Variants in TAS2R1 observed in about 807,000 individuals in gnomAD.
TAS2R1 encodes the protein taste 2 receptor member 1.
For synonymous variants in TAS2R1, 141 were observed against 134.2 expected (o/e 1.05, Z -0.35); for missense variants, 370 against 353.4 (o/e 1.05, Z -0.38).
chr5:9,850,650 T>A, the TAS2R1 span, among the ~76,000 whole-genome samples: 1 of 152,182 alleles, frequency 6.6e-6, no homozygotes. Flanking sequence ...CTCTTCCACA[T>A]TGGCAAATGG....
At chr5:9,696,943 G>C (rs1441491935) in intron 1 of TAS2R1, among the ~76,000 whole-genome samples, 1 of 152,146 alleles carries the variant, frequency 6.6e-6, no homozygotes, top group Non-Finnish European at 1.5e-5. Context: ...AACCTGGGAG[G>C]TGGAGGTTGC....
intron 1 of TAS2R1, among the ~76,000 whole-genome samples, chr5:9,682,366 T>C (rs547224365): frequency 4.6e-5 from 7 of 152,182 alleles, no homozygotes; most frequent in African/African-American, 1.7e-4. Flanking sequence ...CCTTTGGGGG[T>C]GGGGATCTGC....
At chr5:9,833,242 AG>A in the TAS2R1 span, among the ~76,000 whole-genome samples, 2 of 152,170 alleles carry the variant, frequency 1.3e-5, no homozygotes. Flanking sequence ...ATTTTCTTGT[AG>A]GCAAATTGTG....
chr5:9,831,565 T>TG, the TAS2R1 span, among the ~76,000 whole-genome samples: 3 of 152,084 alleles, frequency 2.0e-5, no homozygotes, highest in Admixed American at 2.0e-4. Flanking sequence ...ATTACGTTTT[T>TG]GTTTCTCTGT....
At chr5:9,808,712 G>GA in the TAS2R1 span, among the ~76,000 whole-genome samples, 23 of 152,066 alleles carry the variant, frequency 1.5e-4, no homozygotes, top group Non-Finnish European at 3.4e-4. Flanking sequence ...TTCCTCAGAG[G>GA]AAAAAATAGG....
the TAS2R1 span, among the ~76,000 whole-genome samples, chr5:9,736,600 T>G: frequency 6.6e-6 from 1 of 152,222 alleles, no homozygotes; most frequent in Non-Finnish European, 1.5e-5. Context: ...GTATCTCTGT[T>G]GTGCCTTGCA....
the TAS2R1 span, among the ~76,000 whole-genome samples, chr5:9,783,894 G>T: frequency 1.3e-5 from 2 of 152,178 alleles, no homozygotes; most frequent in Non-Finnish European, 2.9e-5. Context: ...CAGAGGTCTT[G>T]AAGGTCCTGG....
At chr5:9,788,707 T>C in the TAS2R1 span, among the ~76,000 whole-genome samples, 1 of 152,190 alleles carries the variant, frequency 6.6e-6, no homozygotes, top group African/African-American at 2.4e-5. Context: ...TTGTAGAGCA[T>C]GTGGGTTGAT....
chr5:9,834,402 GTTCACAATTGTGATTTTAA>G, the TAS2R1 span, among the ~76,000 whole-genome samples: 1 of 152,290 alleles, frequency 6.6e-6, no homozygotes, highest in East Asian at 1.9e-4. Context: ...CTCAATAAAT[GTTCACAATTGTGATTTTAA>G]TCTTTTGTGT....
chr5:9,741,596 T>G, the TAS2R1 span, among the ~76,000 whole-genome samples: 2 of 152,202 alleles, frequency 1.3e-5, no homozygotes, highest in Non-Finnish European at 2.9e-5. Flanking sequence ...ATCTCGTGTA[T>G]GTTGGAAAAC....
chr5:9,861,037 G>GTTTTTTGTTTT, the TAS2R1 span, among the ~76,000 whole-genome samples: 7 of 88,628 alleles, frequency 7.9e-5, no homozygotes, highest in East Asian at 2.5e-3. Context: ...GGAAGATGAG[G>GTTTTTTGTTTT]TTTTTTTTTT....
At chr5:9,750,072 G>A in the TAS2R1 span, among the ~76,000 whole-genome samples, 2 of 152,178 alleles carry the variant, frequency 1.3e-5, no homozygotes, top group Non-Finnish European at 2.9e-5. Flanking sequence ...CTTCTCATTC[G>A]ATTTGACCAA....
At chr5:9,716,790 T>G (rs1734822118), upstream of TAS2R1, among the ~76,000 whole-genome samples, 1 of 152,126 alleles carries the variant, frequency 6.6e-6, no homozygotes, top group South Asian at 2.1e-4. Flanking sequence ...GAAATCCAGC[T>G]CTGGATTTAC....
chr5:9,817,029 GCTTA>G, the TAS2R1 span, among the ~76,000 whole-genome samples: 1 of 151,836 alleles, frequency 6.6e-6, no homozygotes, highest in Non-Finnish European at 1.5e-5. Flanking sequence ...TTTTTTCCAG[GCTTA>G]CTAATATTTT....
At chr5:9,654,937 A>C (rs1740379726) in intron 2 of TAS2R1, among the ~76,000 whole-genome samples, 1 of 152,240 alleles carries the variant, frequency 6.6e-6, no homozygotes, top group Admixed American at 6.5e-5. Context: ...ATGTTCCCAC[A>C]AAAAGACTGT....
the TAS2R1 span, among the ~76,000 whole-genome samples, chr5:9,861,563 A>G: frequency 6.6e-6 from 1 of 152,210 alleles, no homozygotes; most frequent in South Asian, 2.1e-4. Context: ...AGTCTTGTCT[A>G]TGGTTAGCTT....
At chr5:9,632,379 C>T (rs935287383), upstream of TAS2R1, among the ~76,000 whole-genome samples, 1 of 152,208 alleles carries the variant, frequency 6.6e-6, no homozygotes, top group Non-Finnish European at 1.5e-5. Flanking sequence ...TGGCTGCTGA[C>T]TGATCAGGCT....
At chr5:9,801,645 G>T in the TAS2R1 span, among the ~76,000 whole-genome samples, 1 of 152,144 alleles carries the variant, frequency 6.6e-6, no homozygotes, top group Non-Finnish European at 1.5e-5. Context: ...TCTCAGTCCT[G>T]GTCACTGGCC....
At chr5:9,639,398 T>A (rs1740029052) in intron 2 of TAS2R1, among the ~76,000 whole-genome samples, 2 of 152,202 alleles carry the variant, frequency 1.3e-5, no homozygotes, top group Admixed American at 6.5e-5. Context: ...GATTTTCAGA[T>A]TCCCCAGTGG....
Sources: gnomAD v4.1 joint callset for allele counts (sites outside exome capture counted in the v4.1 genomes callset) on GRCh38, gnomAD v4.1.1 for gene constraint, MANE v1.5 for transcripts, NCBI Gene and HGNC (gene_info 2026-07-23, HGNC 2026-07-21) for gene names.